KCNMA1: variants seen among roughly 807,000 people sequenced by gnomAD.
KCNMA1 encodes Calcium-activated potassium channel subunit alpha-1.
A neutral mutation model predicts 140.0 loss-of-function variants in KCNMA1; 29 were observed. That is an observed-to-expected ratio of 0.21 (90% CI 0.15 to 0.28). KCNMA1 has a LOEUF of 0.28. KCNMA1 is among the 10% of genes least tolerant of loss of function. The pLI is 1.00. For synonymous variants in KCNMA1, 612 were observed against 611.9 expected (o/e 1.00, Z 0.00); for missense variants, 880 against 1,602.2 (o/e 0.55, Z 7.70).
At chr10:77,436,994 A>ACACACACACACACG (rs1158264663) in intron 1 of KCNMA1, among the ~76,000 whole-genome samples, 1 of 126,606 alleles carries the variant, frequency 7.9e-6, no homozygotes, top group South Asian at 2.7e-4. Flanking sequence ...ACACACACAC[A>ACACACACACACACG]CACTCCTTCA....
At position 77,090,414 on chromosome 10, in the gene KCNMA1, G is replaced by T. The variant is rs45617636; in HGVS notation, c.1320C>A (p.Ile440=). 6 of 1,610,488 alleles carry T rather than the reference G, an allele frequency of 3.7e-6. No homozygotes were observed. The highest frequency in any genetic ancestry group is 3.4e-6 in the Non-Finnish European group (4 of 1,176,736). ...GAAGCTCTTACTTGTGAAGAAAAAC[G>T]ATCTCCACATTGACGTCATCCCGGT... is the stretch of plus-strand genomic sequence containing the variant. ...HKDRDDVNVE[I]VFLHNISPNL... Residue 440 remains isoleucine, a synonymous_variant, in exon 10 of 28, where the codon ATC becomes ATA. Transcript: ENST00000286628.
chr10:77,430,888 G>A (rs2097139236), intron 1 of KCNMA1, among the ~76,000 whole-genome samples: 1 of 152,162 alleles, frequency 6.6e-6, no homozygotes, highest in Non-Finnish European at 1.5e-5. Context: ...ACATGCTAAG[G>A]ACTTGTCCAT....
intron 1 of KCNMA1, among the ~76,000 whole-genome samples, chr10:77,419,046 T>C (rs2096807308): frequency 6.6e-6 from 1 of 152,166 alleles, no homozygotes; most frequent in South Asian, 2.1e-4. Flanking sequence ...CTGTTGTTAG[T>C]GCCGCCACAC....
At chr10:77,197,632 C>T (rs1652328400) in intron 3 of KCNMA1, among the ~76,000 whole-genome samples, 2 of 152,160 alleles carry the variant, frequency 1.3e-5, no homozygotes, top group South Asian at 2.1e-4. Context: ...TTCATGCATG[C>T]GTCCAGTGCT....
chr10:77,007,374 A>C (rs1478104506), intron 18 of KCNMA1, among the ~76,000 whole-genome samples: 1 of 152,106 alleles, frequency 6.6e-6, no homozygotes, highest in Non-Finnish European at 1.5e-5. Flanking sequence ...GTACTGACTA[A>C]AAGAAAAACT....
chr10:77,028,606 C>T (rs963233674), intron 15 of KCNMA1, among the ~76,000 whole-genome samples: 11 of 152,086 alleles, frequency 7.2e-5, no homozygotes, highest in African/African-American at 2.4e-4. Flanking sequence ...CTACTGCTAC[C>T]CTGTGATTTT....
At chr10:77,196,479 G>A (rs932474476) in intron 3 of KCNMA1, among the ~76,000 whole-genome samples, 1 of 152,142 alleles carries the variant, frequency 6.6e-6, no homozygotes, top group Non-Finnish European at 1.5e-5. Flanking sequence ...TTCAAAAAGC[G>A]AAATGCTCCC....
At chr10:77,539,826 T>A (rs1390801564) in intron 1 of KCNMA1, among the ~76,000 whole-genome samples, 1 of 152,192 alleles carries the variant, frequency 6.6e-6, no homozygotes, top group East Asian at 1.9e-4. Flanking sequence ...CCCTTTGCAT[T>A]GCTGGGGAAG....
chr10:76,959,586 T>G (rs542354963), intron 20 of KCNMA1, among the ~76,000 whole-genome samples: 1 of 152,198 alleles, frequency 6.6e-6, no homozygotes, highest in African/African-American at 2.4e-5. Context: ...AGTCTTATGG[T>G]TATCATCCTT....
chr10:77,008,466 A>G (rs771184576), intron 18 of KCNMA1, among the ~76,000 whole-genome samples: 1 of 152,204 alleles, frequency 6.6e-6, no homozygotes, highest in African/African-American at 2.4e-5. Context: ...CAGACAGCTG[A>G]ATTTGACTCT....
chr10:77,386,830 TA>T (rs570886405), intron 2 of KCNMA1, among the ~76,000 whole-genome samples: 361 of 152,294 alleles, frequency 2.4e-3, no homozygotes, highest in Non-Finnish European at 4.3e-3. Context: ...AGGCAAAATG[TA>T]TTTATCTCTG....
intron 1 of KCNMA1, among the ~76,000 whole-genome samples, chr10:77,440,945 A>G (rs1210915489): frequency 1.3e-5 from 2 of 151,794 alleles, no homozygotes; most frequent in East Asian, 1.9e-4. Context: ...CAGCCCTCCG[A>G]GTGGCTGGGA....
At chr10:77,288,894 A>G (rs902070651) in intron 2 of KCNMA1, among the ~76,000 whole-genome samples, 1 of 152,196 alleles carries the variant, frequency 6.6e-6, no homozygotes, top group Admixed American at 6.5e-5. Context: ...AAAAGTGAAC[A>G]CCATCCACAA....
chr10:77,535,062 G>A (rs1254178012), intron 1 of KCNMA1, among the ~76,000 whole-genome samples: 1 of 152,160 alleles, frequency 6.6e-6, no homozygotes, highest in African/African-American at 2.4e-5. Context: ...TTCACCAAGT[G>A]CCAATCTTTA....
intron 25 of KCNMA1, among the ~76,000 whole-genome samples, chr10:76,897,749 AATT>A (rs1216570076): frequency 6.6e-6 from 1 of 152,030 alleles, no homozygotes; most frequent in African/African-American, 2.4e-5. Context: ...TGTCAAAACT[AATT>A]ATTAAAAAAA....
chr10:77,120,447 G>A (rs770471093), intron 6 of KCNMA1, among the ~76,000 whole-genome samples: 8 of 152,218 alleles, frequency 5.3e-5, no homozygotes, highest in Non-Finnish European at 8.8e-5. Flanking sequence ...GGGCTATACG[G>A]ATATAAAGTG....
At chr10:77,379,804 C>T (rs1284517313) in intron 2 of KCNMA1, among the ~76,000 whole-genome samples, 1 of 152,064 alleles carries the variant, frequency 6.6e-6, no homozygotes, top group African/African-American at 2.4e-5. Context: ...ATCCCTGCCC[C>T]ATAATGCTGC....
chr10:77,221,268 A>T (rs1010336582), intron 3 of KCNMA1, among the ~76,000 whole-genome samples: 1 of 151,964 alleles, frequency 6.6e-6, no homozygotes, highest in Non-Finnish European at 1.5e-5. Flanking sequence ...CCTTCTAATC[A>T]CTCAAGCTTT....
At chr10:77,399,541 C>T (rs2154458679) in intron 2 of KCNMA1, among the ~76,000 whole-genome samples, 1 of 152,284 alleles carries the variant, frequency 6.6e-6, no homozygotes, top group South Asian at 2.1e-4. Flanking sequence ...AGGCTCTGTC[C>T]AGTCCTGCTG....
Sources: allele counts gnomAD v4.1 joint callset (sites outside exome capture counted in the v4.1 genomes callset), GRCh38; gene constraint gnomAD v4.1.1; transcripts MANE v1.5; gene names NCBI Gene and HGNC (gene_info 2026-07-23, HGNC 2026-07-21).